The following PTPN14 variants were observed in gnomAD, a reference collection of about 807,000 sequenced individuals.
The protein encoded by PTPN14 is tyrosine-protein phosphatase non-receptor type 14.
Under a neutral mutation model 126.8 loss-of-function variants are expected in PTPN14, and 53 were observed. That is an observed-to-expected ratio of 0.42 (90% CI 0.34 to 0.53). The LOEUF is 0.53. PTPN14 is among the 20% of genes least tolerant of loss of function. The pLI, the probability that PTPN14 is intolerant of heterozygous loss-of-function variation, is 0.08. For missense variants in PTPN14, 1,257 were observed against 1,552.9 expected (o/e 0.81, Z 3.20); for synonymous variants, 630 against 599.3 (o/e 1.05, Z -0.75).
intron 1 of PTPN14, among the ~76,000 whole-genome samples, chr1:214,468,687 C>T (rs1159422965): frequency 6.6e-6 from 1 of 152,158 alleles, no homozygotes; most frequent in Non-Finnish European, 1.5e-5. Flanking sequence ...CAGATACTCA[C>T]TCTACTGTTC....
At chr1:214,495,802 C>T (rs911611653) in intron 1 of PTPN14, among the ~76,000 whole-genome samples, 4 of 152,118 alleles carry the variant, frequency 2.6e-5, no homozygotes, top group Non-Finnish European at 4.4e-5. Flanking sequence ...TCAAGCGATG[C>T]TCCTGCCTCA....
At chr1:214,377,077 C>A (rs1458057411) in intron 14 of PTPN14, among the ~76,000 whole-genome samples, 1 of 152,218 alleles carries the variant, frequency 6.6e-6, no homozygotes, top group Non-Finnish European at 1.5e-5. Flanking sequence ...CACTACCATG[C>A]AGCTGCTTTC....
intron 5 of PTPN14, among the ~76,000 whole-genome samples, chr1:214,409,522 G>C (rs1659249761): frequency 6.6e-6 from 1 of 152,158 alleles, no homozygotes; most frequent in African/African-American, 2.4e-5. Context: ...ATGTGGCAAT[G>C]ATCATGGGAG....
At chr1:214,542,388 G>A (rs536646239) in intron 1 of PTPN14, among the ~76,000 whole-genome samples, 51 of 152,322 alleles carry the variant, frequency 3.3e-4, no homozygotes, top group Non-Finnish European at 7.1e-4. Flanking sequence ...GCCACAACAG[G>A]TGTCTGTCAT....
In PTPN14 at chr1:214,394,902, G is replaced by C. The variant is rs1227318018; in HGVS notation, c.843C>G (p.His281Gln). Residue 281 changes from histidine (H) to glutamine (Q), a missense_variant, in exon 9 of 19, where the codon CAC becomes CAG. Coordinates refer to ENST00000366956, the MANE Select transcript of PTPN14 (RefSeq NM_005401.5). The part of the protein sequence containing the change: ...LINKEETALF[H>Q]TDDIENAKYI... ...ACTGTTTGTCTGTTGTGCTTACCGT[G>C]TGAAAGAGGGCAGTCTCTTCTTTGT... 1 of 1,611,336 alleles carries C rather than the reference G, an allele frequency of 6.2e-7. No individual in the cohort carries two copies. Among genetic ancestry groups the C allele is most frequent in the Non-Finnish European group, 8.5e-7 (1 of 1,177,506 alleles).
chr1:214,489,739 A>C (rs1282495980), intron 1 of PTPN14, among the ~76,000 whole-genome samples: 1 of 152,202 alleles, frequency 6.6e-6, no homozygotes, highest in Non-Finnish European at 1.5e-5. Context: ...AGCAGGCATC[A>C]CATCACTGTG....
chr1:214,489,604 T>C (rs1661187783), intron 1 of PTPN14, among the ~76,000 whole-genome samples: 1 of 152,212 alleles, frequency 6.6e-6, no homozygotes, highest in South Asian at 2.1e-4. Context: ...TGCTTAGCCC[T>C]GGACATAGAC....
chr1:214,404,217 C>T (rs541083861), intron 5 of PTPN14, among the ~76,000 whole-genome samples: 28 of 152,270 alleles, frequency 1.8e-4, no homozygotes, highest in Admixed American at 1.8e-3. Flanking sequence ...AAAGCACAGA[C>T]ATAAATGTAT....
intron 1 of PTPN14, among the ~76,000 whole-genome samples, chr1:214,497,532 T>C (rs1201631861): frequency 6.6e-6 from 1 of 152,172 alleles, no homozygotes; most frequent in African/African-American, 2.4e-5. Context: ...GCTACAAGCT[T>C]CTACATACAT....
At chr1:214,397,420 C>G (rs1368545811) in intron 8 of PTPN14, among the ~76,000 whole-genome samples, 1 of 152,192 alleles carries the variant, frequency 6.6e-6, no homozygotes, top group Non-Finnish European at 1.5e-5. Context: ...CATCTCTACA[C>G]TGGTGCCATT....
At chr1:214,374,622 G>C (rs748018569) in intron 15 of PTPN14, among the ~76,000 whole-genome samples, 1 of 152,174 alleles carries the variant, frequency 6.6e-6, no homozygotes, top group Non-Finnish European at 1.5e-5. Flanking sequence ...GAACCCAGGG[G>C]GGAAAACACT....
In PTPN14 at chr1:214,522,517, G is replaced by A. The variant is rs374643445; in HGVS notation, c.-155+28666C>T. ...ATACAAACATCCAAGCCCGCAGAAC[G>A]TAACCACTAAATATATATGCAATAC... On this transcript the variant is annotated intron_variant, in intron 1 of 18. Transcript: ENST00000366956. 7.4e-4 allele frequency among the ~76,000 whole-genome samples: 112 copies of A among 152,286 alleles called. 1 individual carries two copies. In the South Asian group the frequency reaches 0.02, roughly 28 times the overall value.
intron 1 of PTPN14, among the ~76,000 whole-genome samples, chr1:214,548,260 C>T (rs976616377): frequency 2.6e-5 from 4 of 152,192 alleles, no homozygotes; most frequent in Non-Finnish European, 5.9e-5. Context: ...GGACCGCCTG[C>T]TCCAGCACAC....
intron 13 of PTPN14, 139 bp from the exon 14 acceptor site, chr1:214,378,241 C>T (rs1339030361): frequency 2.6e-6 from 3 of 1,166,212 alleles, no homozygotes; most frequent in African/African-American, 3.1e-5. Context: ...TCAAACACAG[C>T]CTTCCCACTA....
intron 1 of PTPN14, among the ~76,000 whole-genome samples, chr1:214,508,871 G>C (rs757468370): frequency 6.6e-6 from 1 of 152,194 alleles, no homozygotes; most frequent in Non-Finnish European, 1.5e-5. Flanking sequence ...CAGAACTCTT[G>C]GGTGACAAGA....
intron 1 of PTPN14, chr1:214,532,259 C>T: frequency 2.3e-6 from 1 of 437,238 alleles, no homozygotes. Flanking sequence ...GTCCAGCCGC[C>T]CAGCTGGTCA....
intron 1 of PTPN14, among the ~76,000 whole-genome samples, chr1:214,482,473 T>C (rs1231152103): frequency 2.6e-5 from 4 of 152,190 alleles, no homozygotes; most frequent in Admixed American, 1.3e-4. Context: ...ACCAACATTT[T>C]AGGTTGCACA....
At chr1:214,516,905 G>A (rs538133460) in intron 1 of PTPN14, among the ~76,000 whole-genome samples, 23 of 151,930 alleles carry the variant, frequency 1.5e-4, no homozygotes, top group Non-Finnish European at 2.6e-4. Flanking sequence ...CCTACGCTAC[G>A]CACCAGGCAT....
chr1:214,450,999 T>A (rs977689417), intron 3 of PTPN14, among the ~76,000 whole-genome samples: 1 of 152,198 alleles, frequency 6.6e-6, no homozygotes, highest in Non-Finnish European at 1.5e-5. Flanking sequence ...GGGACAATCA[T>A]CAAAACTCCT....
Sources: allele counts gnomAD v4.1 joint callset (sites outside exome capture counted in the v4.1 genomes callset), GRCh38; gene constraint gnomAD v4.1.1; transcripts MANE v1.5; gene names NCBI Gene and HGNC (gene_info 2026-07-23, HGNC 2026-07-21).